RIC3: variants seen among roughly 807,000 people sequenced by gnomAD.
The protein encoded by RIC3 is protein RIC-3.
A neutral mutation model predicts 27.3 loss-of-function variants in RIC3; 28 were observed. The observed-to-expected ratio is 1.02, with a 90% CI of 0.76 to 1.41. The LOEUF (loss-of-function observed/expected upper bound fraction) is 1.41. RIC3 is among the 40% of genes most tolerant of loss of function. RIC3 has a pLI of 0.00. For synonymous variants in RIC3, 184 were observed against 160.4 expected (o/e 1.15, Z -1.11); for missense variants, 501 against 444.7 (o/e 1.13, Z -1.14).
At chr11:8,152,018 C>A (rs902725296) in intron 1 of RIC3, among the ~76,000 whole-genome samples, 8 of 152,070 alleles carry the variant, frequency 5.3e-5, no homozygotes, top group African/African-American at 1.7e-4. Context: ...CACCATTCGC[C>A]ACCAAGGAAA....
intron 4 of RIC3, chr11:8,128,484 T>C: frequency 2.9e-6 from 1 of 343,620 alleles, no homozygotes; most frequent in South Asian, 2.2e-5. Flanking sequence ...CATTATGCAT[T>C]AATCATGGTC....
intron 1 of RIC3, among the ~76,000 whole-genome samples, chr11:8,153,829 C>T (rs1250728358): frequency 2.4e-4 from 36 of 152,156 alleles, no homozygotes; most frequent in Admixed American, 2.1e-3. Flanking sequence ...ACCTGCTCTC[C>T]TCTTGTATTT....
At chr11:8,147,287 A>G (rs914387670) in intron 1 of RIC3, among the ~76,000 whole-genome samples, 2 of 152,198 alleles carry the variant, frequency 1.3e-5, no homozygotes, top group South Asian at 4.1e-4. Flanking sequence ...CCCTGGGCAC[A>G]TGTCGTCAGG....
At chr11:8,096,943 C>T in the RIC3 span, 1 of 1,041,196 alleles carries the variant, frequency 9.6e-7, no homozygotes, top group Non-Finnish European at 1.4e-6. Flanking sequence ...TACCTTGCCT[C>T]CTAACCTCTT....
At chr11:8,134,001 T>A (rs896874858) in intron 4 of RIC3, among the ~76,000 whole-genome samples, 2 of 151,518 alleles carry the variant, frequency 1.3e-5, no homozygotes, top group Non-Finnish European at 2.9e-5. Context: ...TTAATATATA[T>A]ATTTTTTATT....
chr11:8,141,024 G>A (rs1328166943), intron 1 of RIC3, among the ~76,000 whole-genome samples: 1 of 149,438 alleles, frequency 6.7e-6, no homozygotes, highest in African/African-American at 2.5e-5. Context: ...AAGAGCTCCT[G>A]AAGGAAGCGC....
chr11:8,101,602 A>C, downstream of RIC3: 1 of 1,614,222 alleles, frequency 6.2e-7, no homozygotes, highest in African/African-American at 1.3e-5. Context: ...CTTCGACAGC[A>C]AGCTGGCGTG....
At chr11:8,116,230 A>G (rs542632401) in intron 5 of RIC3, among the ~76,000 whole-genome samples, 88 of 152,332 alleles carry the variant, frequency 5.8e-4, no homozygotes, top group African/African-American at 1.9e-3. Context: ...TCCACATGCA[A>G]AACAGTGAAA....
At chr11:8,097,567 A>G in the RIC3 span, 1 of 1,349,090 alleles carries the variant, frequency 7.4e-7, no homozygotes. Context: ...GTCTGTGCAC[A>G]TCTTTGTGTT....
chr11:8,112,275 T>TTTTCC (rs1945358526), intron 5 of RIC3, among the ~76,000 whole-genome samples: 1 of 113,970 alleles, frequency 8.8e-6, no homozygotes, highest in Non-Finnish European at 1.7e-5. Flanking sequence ...ATATATTTTC[T>TTTTCC]TTTCTTTTCT....
intron 1 of RIC3, among the ~76,000 whole-genome samples, chr11:8,146,624 A>G (rs1327683031): frequency 6.6e-6 from 1 of 152,118 alleles, no homozygotes; most frequent in African/African-American, 2.4e-5. Context: ...ACACGTACCC[A>G]AGGCGGTTAG....
At chr11:8,165,556 C>G (rs1217703461) in intron 1 of RIC3, among the ~76,000 whole-genome samples, 6 of 151,992 alleles carry the variant, frequency 3.9e-5, no homozygotes, top group Non-Finnish European at 8.8e-5. Context: ...GGAGTAATAG[C>G]TAAAAAGTAC....
intron 1 of RIC3, among the ~76,000 whole-genome samples, chr11:8,151,890 TG>T (rs1188741325): frequency 7.0e-6 from 1 of 141,888 alleles, no homozygotes; most frequent in African/African-American, 2.7e-5. Context: ...CACTCCAGCC[TG>T]GGGGACAGAA....
intron 4 of RIC3, among the ~76,000 whole-genome samples, chr11:8,129,781 G>A (rs190999692): frequency 2.0e-3 from 312 of 152,300 alleles, no homozygotes; most frequent in African/African-American, 7.2e-3. Context: ...AGTCTGATAT[G>A]CCTCAAAGAT....
intron 1 of RIC3, among the ~76,000 whole-genome samples, chr11:8,152,971 T>C (rs1053520612): frequency 6.6e-6 from 1 of 151,996 alleles, no homozygotes; most frequent in African/African-American, 2.4e-5. Flanking sequence ...AAAAATAGGG[T>C]TTCAAAAAGC....
Position 8,142,979 on chromosome 11 carries a change from C to G in RIC3, c.125-2786G>C, listed in dbSNP as rs1423718916. Among the ~76,000 whole-genome samples the G allele has an allele frequency of 1.1e-4, 11 of 98,042 alleles. 2 individuals are homozygous for G. The highest frequency in any genetic ancestry group is 2.0e-4 in the Admixed American group (2 of 9,786). 64.3% of individuals were successfully genotyped at this position (98,042 alleles called of 152,430 possible). On this transcript the variant is annotated intron_variant, in intron 1 of 5. Transcript: ENST00000309737. ...AAAGCCTTTGACAAAATTCAACAAC[C>G]CTTCATGCTAAAAACTCTCAATAAA...
rs1189410759 is a variant in RIC3, at chr11:8,168,900, G to T, written c.90C>A (p.Arg30=). The T allele has an allele frequency of 6.2e-7, 1 of 1,611,650 alleles. No homozygotes were observed. ...TCGGCGGCGGCTCCTGCCGCTTCCCGCGGGACAGGAAGGCCTTGGGCAGCA... is the reference window on the plus strand; with the variant it reads ...TCGGCGGCGGCTCCTGCCGCTTCCCTCGGGACAGGAAGGCCTTGGGCAGCA... The part of the protein sequence containing the change: ...SLLLPKAFLS[R]GKRQEPPPTP... The change falls in exon 1 of 6, where the codon CGC becomes CGA. Residue 30 remains arginine (R), a synonymous_variant. Transcript: ENST00000309737.
chr11:8,149,990 T>C (rs540514694), intron 1 of RIC3, among the ~76,000 whole-genome samples: 19 of 152,310 alleles, frequency 1.2e-4, no homozygotes, highest in African/African-American at 4.6e-4. Context: ...CCTTTTGATG[T>C]CAGAGGGCTG....
downstream of RIC3, chr11:8,101,843 T>C: frequency 2.2e-6 from 1 of 464,588 alleles, no homozygotes; most frequent in South Asian, 7.8e-5. Flanking sequence ...GGGATGAGAA[T>C]AATTCTTTCC....
Sources: gnomAD v4.1 joint callset for allele counts (sites outside exome capture counted in the v4.1 genomes callset) on GRCh38, gnomAD v4.1.1 for gene constraint, MANE v1.5 for transcripts, NCBI Gene and HGNC (gene_info 2026-07-23, HGNC 2026-07-21) for gene names.